OPN5: variants seen among roughly 807,000 people sequenced by gnomAD.
The protein encoded by OPN5 is opsin-5.
A neutral mutation model predicts 41.7 loss-of-function variants in OPN5; 18 were observed. The ratio of observed to expected loss-of-function variants is 0.43; its 90% CI spans 0.30 to 0.64. OPN5 has a LOEUF of 0.64. Ranked by LOEUF, OPN5 falls within the 30% of genes least tolerant of loss-of-function variation. The pLI, the probability that OPN5 is intolerant of heterozygous loss-of-function variation, is 0.13. For missense variants in OPN5, 318 were observed against 434.5 expected (o/e 0.73, Z 2.38); for synonymous variants, 178 against 164.3 (o/e 1.08, Z -0.64).
chr6:47,788,806 G>GC (rs987920744), intron 2 of OPN5, among the ~76,000 whole-genome samples: 7 of 128 alleles, frequency 0.055, 1 homozygote, highest in African/African-American at 0.087. Flanking sequence ...AGGATAACCT[G>GC]GGGGGGGGCG....
intron 1 of OPN5, among the ~76,000 whole-genome samples, chr6:47,784,366 G>A (rs182568875): frequency 4.7e-4 from 71 of 151,850 alleles, no homozygotes; most frequent in Admixed American, 1.2e-3. Context: ...GTGCGATCTC[G>A]GCTCACTGCA....
chr6:47,804,312 T>TA (rs200349744), intron 4 of OPN5, among the ~76,000 whole-genome samples: 7 of 151,470 alleles, frequency 4.6e-5, no homozygotes, highest in African/African-American at 7.3e-5. Flanking sequence ...GTGAAGTAAT[T>TA]AAAAAAAAAT....
intron 4 of OPN5, among the ~76,000 whole-genome samples, chr6:47,805,954 C>T (rs1000097851): frequency 2.0e-5 from 3 of 151,970 alleles, no homozygotes; most frequent in African/African-American, 7.3e-5. Flanking sequence ...TATAAAATCC[C>T]CAAGGTGGGT....
intron 4 of OPN5, among the ~76,000 whole-genome samples, chr6:47,797,206 A>C (rs1346457214): frequency 6.6e-6 from 1 of 152,212 alleles, no homozygotes; most frequent in African/African-American, 2.4e-5. Context: ...TGATGGCTCC[A>C]GTTGACTGTT....
intron 6 of OPN5, among the ~76,000 whole-genome samples, chr6:47,819,400 A>ATATATATATATATATATAT (rs1762535695): frequency 7.6e-6 from 1 of 131,776 alleles, no homozygotes; most frequent in Non-Finnish European, 1.6e-5. Flanking sequence ...ATATATATAT[A>ATATATATATATATATATAT]AAACAGTATA....
Position 47,811,744 on chromosome 6 carries a change from A to G in OPN5, c.1056+13A>G, listed in dbSNP as rs1581753795. The G allele has an allele frequency of 6.3e-7, 1 of 1,585,998 alleles. No homozygotes were observed. Among genetic ancestry groups the G allele is most frequent in the African/African-American group, 1.3e-5 (1 of 74,424 alleles). On this transcript the variant is annotated intron_variant, in intron 6 of 6. Coordinates refer to ENST00000371211, the Ensembl canonical transcript of OPN5. ...AATTCATGAAGAGGTATGAAGATGGATACAGCATCACTATGGACACTCGTA... is the reference window on the plus strand; with the variant it reads ...AATTCATGAAGAGGTATGAAGATGGGTACAGCATCACTATGGACACTCGTA...
At chr6:47,795,375 G>C (rs1172262178) in exon 4 of OPN5, 3 of 1,614,030 alleles carry the variant, frequency 1.9e-6, no homozygotes, top group African/African-American at 2.7e-5. Flanking sequence ...CTGGTGGCTG[G>C]CCCAGGCCTC....
At chr6:47,787,087 G>A (rs1773215415) in intron 2 of OPN5, 1 of 984,124 alleles carries the variant, frequency 1.0e-6, no homozygotes, top group Non-Finnish European at 1.2e-6. Flanking sequence ...CAGTTGAGAG[G>A]TGAATGTAGG....
chr6:47,800,939 G>T (rs565578413), intron 4 of OPN5, among the ~76,000 whole-genome samples: 1 of 152,176 alleles, frequency 6.6e-6, no homozygotes, highest in Non-Finnish European at 1.5e-5. Context: ...ACACACATCA[G>T]TCATTTACAA....
intron 6 of OPN5, 74 bp from the exon 7 acceptor site, chr6:47,823,909 G>T (rs1762714500): frequency 9.2e-7 from 1 of 1,086,028 alleles, no homozygotes; most frequent in Non-Finnish European, 1.4e-6. Context: ...TTTAGGCTCT[G>T]AATTTAGTTT....
chr6:47,784,273 G>C (rs976505871), intron 1 of OPN5, among the ~76,000 whole-genome samples: 2 of 149,396 alleles, frequency 1.3e-5, no homozygotes, highest in Non-Finnish European at 3.0e-5. Context: ...CACTCTCCTA[G>C]AATAGGCTAG....
At chr6:47,813,551 A>G (rs1422749099) in intron 6 of OPN5, among the ~76,000 whole-genome samples, 3 of 152,108 alleles carry the variant, frequency 2.0e-5, no homozygotes, top group African/African-American at 7.2e-5. Flanking sequence ...TTATGCTGTT[A>G]TATGGATTTT....
intron 4 of OPN5, among the ~76,000 whole-genome samples, chr6:47,803,413 A>G (rs1406494609): frequency 1.3e-5 from 2 of 152,212 alleles, no homozygotes; most frequent in African/African-American, 2.4e-5. Flanking sequence ...GATCCAAGCT[A>G]GAAAAACAAA....
rs1389298718 is a variant in OPN5, at chr6:47,819,354, A to ATATATATGTATAT, written c.1057-4629_1057-4628insTATATATGTATAT. On this transcript the variant is annotated intron_variant, in intron 6 of 6. Coordinates refer to ENST00000371211, the Ensembl canonical transcript of OPN5. ...AATTAGGAATATATATATATATATA[A>ATATATATGTATAT]AAAATATATTACCGTATAAGTAGAA... is the stretch of plus-strand genomic sequence containing the variant. 8.5e-5 allele frequency among the ~76,000 whole-genome samples: 5 copies of ATATATATGTATAT among 59,042 alleles called. 1 individual carries two copies. Among genetic ancestry groups the ATATATATGTATAT allele is most frequent in the African/African-American group, 2.5e-4 (5 of 20,186 alleles). 38.7% of individuals were successfully genotyped at this position (59,042 alleles called of 152,430 possible).
At position 47,811,147 on chromosome 6, in the gene OPN5, T is replaced by C. The variant is rs192606058; in HGVS notation, c.999-527T>C. ...AGAGGCTGCAGATGCTAGGCCTATCTCAAATGGAGAAGAAATGTTCAAAAG... is the reference window on the plus strand; with the variant it reads ...AGAGGCTGCAGATGCTAGGCCTATCCCAAATGGAGAAGAAATGTTCAAAAG... On this transcript the variant is annotated intron_variant, in intron 5 of 6. Transcript: ENST00000371211. Among the ~76,000 whole-genome samples, 18 of 152,172 alleles carry C rather than the reference T, an allele frequency of 1.2e-4. No individual in the cohort carries two copies. The East Asian group carries it at 3.3e-3, about 28-fold the overall frequency.
intron 6 of OPN5, among the ~76,000 whole-genome samples, chr6:47,817,006 A>G (rs1416527660): frequency 6.6e-6 from 1 of 152,120 alleles, no homozygotes; most frequent in Non-Finnish European, 1.5e-5. Flanking sequence ...CTGTTTGAGA[A>G]AGTGAGAAAC....
chr6:47,806,099 T>G (rs1279922337), intron 4 of OPN5, among the ~76,000 whole-genome samples: 1 of 151,960 alleles, frequency 6.6e-6, no homozygotes, highest in African/African-American at 2.4e-5. Flanking sequence ...CCTAGCAGAT[T>G]GAGGGGTGCT....
At chr6:47,791,323 C>A (rs1389002271) in intron 2 of OPN5, among the ~76,000 whole-genome samples, 1 of 151,294 alleles carries the variant, frequency 6.6e-6, no homozygotes, top group South Asian at 2.1e-4. Context: ...TCTTAACAGA[C>A]TAGTGTGAGA....
intron 6 of OPN5, among the ~76,000 whole-genome samples, chr6:47,815,129 A>G (rs1238709182): frequency 6.6e-6 from 1 of 152,162 alleles, no homozygotes; most frequent in African/African-American, 2.4e-5. Flanking sequence ...GTCTAAATAT[A>G]TTTTAAGTTT....
Sources: allele counts gnomAD v4.1 joint callset (sites outside exome capture counted in the v4.1 genomes callset), GRCh38; gene constraint gnomAD v4.1.1; transcripts MANE v1.5; gene names NCBI Gene and HGNC (gene_info 2026-07-23, HGNC 2026-07-21).